The following GSE1 variants were observed in gnomAD, a reference collection of about 807,000 sequenced individuals.
GSE1 encodes the protein Gse1 coiled-coil protein, also known as genetic suppressor element 1.
Under a neutral mutation model 112.6 loss-of-function variants are expected in GSE1, and 32 were observed. The ratio of observed to expected loss-of-function variants is 0.28; its 90% CI spans 0.21 to 0.38. The LOEUF is 0.38. Among genes scored for constraint, GSE1 ranks in the 10% least tolerant of loss-of-function variants. The pLI is 1.00. For missense variants in GSE1, 2,348 were observed against 1,699.2 expected, an observed-to-expected ratio of 1.38 and a Z score of -6.71; for synonymous variants, 1,115 against 735.6, an observed-to-expected ratio of 1.52 and a Z score of -8.35.
intron 1 of GSE1, 116 bp from the exon 2 acceptor site, chr16:85,633,798 C>T (rs1481527342): frequency 6.9e-6 from 5 of 724,586 alleles, no homozygotes; most frequent in South Asian, 3.4e-5. Flanking sequence ...GCTGGAGCCC[C>T]CGGGGCTGCC....
intron 2 of GSE1, among the ~76,000 whole-genome samples, chr16:85,399,285 C>T (rs746723515): frequency 5.1e-4 from 77 of 152,298 alleles, no homozygotes; most frequent in Middle Eastern, 3.4e-3. Flanking sequence ...CTGGGCCCCC[C>T]CAGCACAGAG....
At chr16:85,544,815 G>A (rs1023554635) in intron 2 of GSE1, among the ~76,000 whole-genome samples, 2 of 152,342 alleles carry the variant, frequency 1.3e-5, no homozygotes, top group East Asian at 1.9e-4. Flanking sequence ...GGCCTCGCCT[G>A]GTCTCTGGAG....
intron 2 of GSE1, among the ~76,000 whole-genome samples, chr16:85,432,508 G>T (rs8052794): frequency 1.3e-5 from 2 of 152,114 alleles, no homozygotes; most frequent in African/African-American, 2.4e-5. Flanking sequence ...CAACTGCACA[G>T]GGTTCTTTCC....
chr16:85,357,876 G>A (rs140255261), intron 2 of GSE1, among the ~76,000 whole-genome samples: 1 of 152,078 alleles, frequency 6.6e-6, no homozygotes, highest in Non-Finnish European at 1.5e-5. Flanking sequence ...CGATACTCTC[G>A]CCTGCTGGGC....
chr16:85,502,867 G>A (rs933595261), intron 2 of GSE1, among the ~76,000 whole-genome samples: 1 of 152,224 alleles, frequency 6.6e-6, no homozygotes, highest in Non-Finnish European at 1.5e-5. Context: ...GGAGCAAGCA[G>A]GGGGGTGAAA....
At chr16:85,404,041 C>A (rs1188640350) in intron 2 of GSE1, among the ~76,000 whole-genome samples, 1 of 151,988 alleles carries the variant, frequency 6.6e-6, no homozygotes, top group African/African-American at 2.4e-5. Flanking sequence ...CCTCTGTGTG[C>A]GTCAGAACTC....
chr16:85,328,730 C>G (rs1017086542), intron 1 of GSE1, among the ~76,000 whole-genome samples: 2 of 152,202 alleles, frequency 1.3e-5, no homozygotes, highest in South Asian at 2.1e-4. Flanking sequence ...TAGTCATGTC[C>G]GTGCCCCTGC....
intron 1 of GSE1, among the ~76,000 whole-genome samples, chr16:85,337,401 G>T (rs1266423280): frequency 1.3e-5 from 2 of 151,316 alleles, no homozygotes; most frequent in Non-Finnish European, 2.9e-5. Flanking sequence ...CGCCTCCCGG[G>T]TTCACGCCAT....
rs984577737 is a variant in GSE1, at chr16:85,235,579, G to C, written c.2283+63772G>C. On this transcript the variant is annotated intron_variant, in intron 1 of 2. Coordinates refer to the GSE1 transcript ENST00000637419. ...GGACTATATGTGTGTGTGTGGGTGG[G>C]GGGGGGGCGCGTGTTCTCGCCCCTC... 1.2e-4 allele frequency among the ~76,000 whole-genome samples: 12 copies of C among 100,174 alleles called. 1 individual carries two copies. The Admixed American group carries it at 1.6e-3, about 14-fold the overall frequency. The allele number at this position is 100,174 out of a possible 152,430, so 65.7% of individuals were successfully genotyped here.
chr16:85,380,377 A>G (rs1043600971), intron 2 of GSE1, among the ~76,000 whole-genome samples: 2 of 152,194 alleles, frequency 1.3e-5, no homozygotes, highest in Non-Finnish European at 2.9e-5. Context: ...AAATTGTGGC[A>G]GTGCTAAAAC....
intron 1 of GSE1, among the ~76,000 whole-genome samples, chr16:85,280,231 C>T (rs2044817583): frequency 2.0e-5 from 3 of 152,264 alleles, no homozygotes; most frequent in Middle Eastern, 3.4e-3. Context: ...GGGAAAAGTA[C>T]ACCCGGCCCC....
chr16:85,222,677 GAAAACGTGGCCCAATTA>G (rs2075414538), intron 1 of GSE1, among the ~76,000 whole-genome samples: 1 of 152,200 alleles, frequency 6.6e-6, no homozygotes, highest in Non-Finnish European at 1.5e-5. Context: ...CCAGGAAACG[GAAAACGTGGCCCAATTA>G]AAAACGTGTC....
intron 1 of GSE1, among the ~76,000 whole-genome samples, chr16:85,288,614 C>T (rs1311521929): frequency 1.3e-5 from 2 of 152,192 alleles, no homozygotes; most frequent in Non-Finnish European, 2.9e-5. Flanking sequence ...TGGGGAGACA[C>T]CCCTGCCACT....
intron 2 of GSE1, 22 bp downstream of exon 2, chr16:85,634,154 CG>C: frequency 7.1e-7 from 1 of 1,401,804 alleles, no homozygotes; most frequent in Non-Finnish European, 9.2e-7. Flanking sequence ...CGCCAGGCTG[CG>C]CGTGGGGGGA....
chr16:85,613,804 G>T (rs2048167116), intron 1 of GSE1, among the ~76,000 whole-genome samples: 1 of 151,006 alleles, frequency 6.6e-6, no homozygotes, highest in Non-Finnish European at 1.5e-5. Context: ...GAGCGAATGG[G>T]GGTGGCTGTG....
At chr16:85,360,009 A>G (rs1429810224) in intron 2 of GSE1, among the ~76,000 whole-genome samples, 1 of 152,210 alleles carries the variant, frequency 6.6e-6, no homozygotes, top group Non-Finnish European at 1.5e-5. Context: ...AGCCCAGCCT[A>G]GGCGACTGAG....
Position 85,671,139 on chromosome 16 carries a change from T to C in GSE1, c.3519+41T>C, listed in dbSNP as rs757547710. ...ATGGAAACCTTCAAACACGCAACCTTTTGAGTTTGGGTTCAGAAACACCCA... is the reference window on the plus strand; with the variant it reads ...ATGGAAACCTTCAAACACGCAACCTCTTGAGTTTGGGTTCAGAAACACCCA... On this transcript the variant is annotated intron_variant, in intron 15 of 15. Transcript: ENST00000253458. The C allele has an allele frequency of 8.5e-6, 10 of 1,174,544 alleles. No homozygotes were observed. In the African/African-American group the frequency reaches 9.1e-5, roughly 11 times the overall value. 72.8% of individuals were successfully genotyped at this position (1,174,544 alleles called of 1,614,324 possible). A position where few individuals can be genotyped will look rare whatever the true frequency, so the allele number is the denominator to read the frequency against.
At chr16:85,360,152 G>T (rs756739761) in intron 2 of GSE1, among the ~76,000 whole-genome samples, 2 of 152,186 alleles carry the variant, frequency 1.3e-5, no homozygotes, top group African/African-American at 2.4e-5. Flanking sequence ...GGTCACTCCT[G>T]AGTCCCTGGT....
At chr16:85,224,113 A>T (rs1437533023) in intron 1 of GSE1, among the ~76,000 whole-genome samples, 2 of 151,754 alleles carry the variant, frequency 1.3e-5, no homozygotes, top group Admixed American at 6.6e-5. Flanking sequence ...CGCATCTCAA[A>T]GCCCCAGGAG....
Sources: gnomAD v4.1 joint callset for allele counts (sites outside exome capture counted in the v4.1 genomes callset) on GRCh38, gnomAD v4.1.1 for gene constraint, MANE v1.5 for transcripts, NCBI Gene and HGNC (gene_info 2026-07-23, HGNC 2026-07-21) for gene names.